Variants in LRP1B observed in about 807,000 individuals in gnomAD.
LRP1B encodes the protein LDL receptor related protein 1B, also known as low-density lipoprotein receptor-related protein 1B.
In LRP1B, 217 loss-of-function variants were observed where a neutral mutation model predicts 556.6. The observed-to-expected ratio is 0.39, with a 90% CI of 0.35 to 0.44. The LOEUF (loss-of-function observed/expected upper bound fraction) is 0.44. LRP1B is among the 20% of genes least tolerant of loss of function. The probability of loss-of-function intolerance (pLI) is 1.00; values close to 1 mark genes in which losing one functional copy is unlikely to be tolerated. For missense variants in LRP1B, 5,053 were observed against 5,620.8 expected (o/e 0.90, Z 3.23); for synonymous variants, 2,047 against 1,865.8 (o/e 1.10, Z -2.50).
intron 28 of LRP1B, among the ~76,000 whole-genome samples, chr2:140,851,363 T>A (rs2105120457): frequency 6.6e-6 from 1 of 152,246 alleles, no homozygotes; most frequent in East Asian, 1.9e-4. Context: ...CTTCCTGTTT[T>A]GCAGAGATAA....
At chr2:141,765,533 A>C (rs893081053) in intron 2 of LRP1B, among the ~76,000 whole-genome samples, 5 of 152,216 alleles carry the variant, frequency 3.3e-5, no homozygotes, top group Admixed American at 6.5e-5. Flanking sequence ...ATACCAACAG[A>C]GACCAGGTAA....
At chr2:141,381,186 G>A (rs1299453919) in intron 3 of LRP1B, among the ~76,000 whole-genome samples, 1 of 151,984 alleles carries the variant, frequency 6.6e-6, no homozygotes, top group Non-Finnish European at 1.5e-5. Context: ...GGAACAAAGT[G>A]AATATTTCAA....
chr2:141,671,371 G>A (rs6752277), intron 2 of LRP1B, among the ~76,000 whole-genome samples: 28,806 of 152,042 alleles, frequency 0.19, 3,456 homozygotes, highest in African/African-American at 0.32. Context: ...GGCAGCCAGG[G>A]AGTGAAGGAG....
At chr2:140,653,605 T>G (rs577735113) in intron 41 of LRP1B, among the ~76,000 whole-genome samples, 2 of 152,034 alleles carry the variant, frequency 1.3e-5, no homozygotes, top group East Asian at 3.9e-4. Context: ...AGAAAACAAG[T>G]TTTTTCATAT....
intron 3 of LRP1B, among the ~76,000 whole-genome samples, chr2:141,306,830 T>C (rs1686609001): frequency 6.6e-6 from 1 of 152,020 alleles, no homozygotes; most frequent in Admixed American, 6.6e-5. Flanking sequence ...ATTTAAGAAA[T>C]TTTTTTATTT....
intron 16 of LRP1B, among the ~76,000 whole-genome samples, chr2:140,993,751 G>A (rs1007440354): frequency 2.6e-5 from 4 of 152,026 alleles, no homozygotes; most frequent in African/African-American, 9.7e-5. Flanking sequence ...AATGTAAAAG[G>A]AGAAATTCTT....
intron 1 of LRP1B, among the ~76,000 whole-genome samples, chr2:142,012,486 A>G (rs1251603431): frequency 6.6e-6 from 1 of 152,132 alleles, no homozygotes; most frequent in African/African-American, 2.4e-5. Context: ...CATGTCAACT[A>G]TGGTAATGAC....
intron 43 of LRP1B, among the ~76,000 whole-genome samples, chr2:140,545,881 G>A (rs1448506045): frequency 1.3e-5 from 2 of 151,618 alleles, no homozygotes; most frequent in African/African-American, 2.4e-5. Context: ...TTGATTATTC[G>A]TATCCATGAG....
intron 2 of LRP1B, among the ~76,000 whole-genome samples, chr2:141,643,585 G>C (rs181858881): frequency 6.6e-6 from 1 of 152,228 alleles, no homozygotes; most frequent in Admixed American, 6.5e-5. Flanking sequence ...GTACAAACTA[G>C]TTGAAACGAT....
chr2:140,318,382 G>C (rs1480030504), intron 82 of LRP1B, among the ~76,000 whole-genome samples: 1 of 152,000 alleles, frequency 6.6e-6, no homozygotes, highest in Admixed American at 6.6e-5. Context: ...TGCCTTTTAA[G>C]CAGGGTTGAA....
At chr2:141,410,561 C>T (rs543870506) in intron 3 of LRP1B, among the ~76,000 whole-genome samples, 2 of 152,136 alleles carry the variant, frequency 1.3e-5, no homozygotes, top group African/African-American at 2.4e-5. Context: ...TGTGTGTGCA[C>T]ATGCATGCAC....
intron 2 of LRP1B, among the ~76,000 whole-genome samples, chr2:141,802,296 G>A (rs1027395130): frequency 6.6e-6 from 1 of 151,990 alleles, no homozygotes; most frequent in Non-Finnish European, 1.5e-5. Flanking sequence ...TCCCTCCCAA[G>A]GTATCTTTCT....
At chr2:140,412,384 G>C (rs1558864421) in intron 66 of LRP1B, among the ~76,000 whole-genome samples, 1 of 152,030 alleles carries the variant, frequency 6.6e-6, no homozygotes. Context: ...GAGGAAAATA[G>C]AAATACTTTC....
rs140376174 is a variant in LRP1B at position 141,732,226 on chromosome 2, G to A, written c.205+78053C>T. The stretch of plus-strand genomic sequence containing the variant: ...TCAGTAAATAGTTGGTAGCTACAAC[G>A]TTGGGGAATTACTACGAAATTATGA... On this transcript the variant is annotated intron_variant, in intron 2 of 90. Transcript: ENST00000389484. Among the ~76,000 whole-genome samples, 254 of 152,216 alleles carry A rather than the reference G, an allele frequency of 1.7e-3. 2 individuals are homozygous for A. The highest frequency in any genetic ancestry group is 2.7e-3 in the Non-Finnish European group (184 of 68,010).
intron 41 of LRP1B, among the ~76,000 whole-genome samples, chr2:140,651,763 C>T (rs1264410315): frequency 2.6e-5 from 4 of 152,088 alleles, no homozygotes; most frequent in African/African-American, 9.7e-5. Flanking sequence ...GAGACATATA[C>T]ATCACACCAC....
intron 2 of LRP1B, among the ~76,000 whole-genome samples, chr2:141,551,052 A>G (rs1325858564): frequency 6.6e-6 from 1 of 152,076 alleles, no homozygotes; most frequent in East Asian, 1.9e-4. Flanking sequence ...ATATTTTTAT[A>G]TTATTTTAAA....
intron 2 of LRP1B, among the ~76,000 whole-genome samples, chr2:141,792,963 T>C (rs2105666290): frequency 6.6e-6 from 1 of 152,134 alleles, no homozygotes; most frequent in Non-Finnish European, 1.5e-5. Flanking sequence ...AATTTTTGAA[T>C]AAGGTTTTTA....
chr2:141,579,246 C>T (rs992833716), intron 2 of LRP1B, among the ~76,000 whole-genome samples: 3 of 152,082 alleles, frequency 2.0e-5, no homozygotes, highest in African/African-American at 7.2e-5. Context: ...GAGGCAGTTA[C>T]AGTCACATTT....
intron 35 of LRP1B, among the ~76,000 whole-genome samples, chr2:140,747,112 A>G (rs78094607): frequency 0.019 from 2,889 of 152,264 alleles, 48 homozygotes; most frequent in Non-Finnish European, 0.028. Flanking sequence ...GTAATAAACC[A>G]TCCCAAAAGT....
Sources: gnomAD v4.1 joint callset for allele counts (sites outside exome capture counted in the v4.1 genomes callset) on GRCh38, gnomAD v4.1.1 for gene constraint, MANE v1.5 for transcripts, NCBI Gene and HGNC (gene_info 2026-07-23, HGNC 2026-07-21) for gene names.